The following MSH4 variants were observed in gnomAD, a reference collection of about 807,000 sequenced individuals.
MSH4 encodes the protein mutS homolog 4, also known as mutS protein homolog 4.
In MSH4, 106 loss-of-function variants were observed where a neutral mutation model predicts 113.7. The observed-to-expected ratio is 0.93, with a 90% CI of 0.80 to 1.10. The LOEUF is 1.10. Among genes scored for constraint, MSH4 ranks in the 50% least tolerant of loss-of-function variants. MSH4 has a pLI of 0.00. For synonymous variants in MSH4, 368 were observed against 380.2 expected, an observed-to-expected ratio of 0.97 and a Z score of 0.37; for missense variants, 1,061 against 1,093.7, an observed-to-expected ratio of 0.97 and a Z score of 0.42.
In MSH4 at chr1:75,816,582, G is replaced by T. The variant is rs201054535; in HGVS notation, c.989+36G>T. 152 of 1,198,846 alleles carry T rather than the reference G, an allele frequency of 1.3e-4. 2 individuals are homozygous for T. In the East Asian group the frequency reaches 3.8e-3, roughly 30 times the overall value. 74.3% of individuals were successfully genotyped at this position (1,198,846 alleles called of 1,614,324 possible). A position where few individuals can be genotyped will look rare whatever the true frequency, so the allele number is the denominator to read the frequency against. On this transcript the variant is annotated intron_variant, in intron 6 of 19. Transcript: ENST00000263187. The stretch of plus-strand genomic sequence containing the variant: ...CCATTTTATTTGTATAAAATATATC[G>T]GTATATATATATTTTTCTATTAATG...
chr1:75,865,651 C>G (rs1009043267), intron 8 of MSH4, among the ~76,000 whole-genome samples: 27 of 152,178 alleles, frequency 1.8e-4, no homozygotes, highest in Non-Finnish European at 4.4e-5. Flanking sequence ...ATGATTTTCA[C>G]ATGCCTGCAA....
chr1:75,901,763 A>T (rs1652510039), intron 19 of MSH4, among the ~76,000 whole-genome samples: 1 of 152,156 alleles, frequency 6.6e-6, no homozygotes, highest in East Asian at 1.9e-4. Context: ...ATACTAATTT[A>T]CATTCCCATC....
intron 18 of MSH4, among the ~76,000 whole-genome samples, chr1:75,898,697 C>T (rs1570997634): frequency 6.6e-6 from 1 of 151,850 alleles, no homozygotes; most frequent in Non-Finnish European, 1.5e-5. Flanking sequence ...TATTCTTCAA[C>T]TTGATTAGAT....
chr1:75,840,186 T>C (rs1650922164), intron 7 of MSH4, among the ~76,000 whole-genome samples: 1 of 148,768 alleles, frequency 6.7e-6, no homozygotes, highest in African/African-American at 2.5e-5. Context: ...CCCAAAGGAC[T>C]ATAAATCATG....
intron 3 of MSH4, among the ~76,000 whole-genome samples, chr1:75,810,282 G>A (rs1029355470): frequency 2.6e-5 from 4 of 151,700 alleles, no homozygotes; most frequent in South Asian, 4.2e-4. Flanking sequence ...CTAGACTGGC[G>A]TGCAAAGGTG....
At chr1:75,801,568 C>CAAAA (rs35300428) in intron 1 of MSH4, among the ~76,000 whole-genome samples, 1 of 112,774 alleles carries the variant, frequency 8.9e-6, no homozygotes, top group Non-Finnish European at 1.8e-5. Flanking sequence ...AACTCCATCT[C>CAAAA]AAAAAAAAAA....
chr1:75,851,371 A>G (rs1446094841), intron 8 of MSH4, among the ~76,000 whole-genome samples: 1 of 151,802 alleles, frequency 6.6e-6, no homozygotes, highest in Non-Finnish European at 1.5e-5. Flanking sequence ...CTTAGGGTTT[A>G]TAGACTACAT....
At chr1:75,853,295 C>A (rs1651234435) in intron 8 of MSH4, among the ~76,000 whole-genome samples, 1 of 152,128 alleles carries the variant, frequency 6.6e-6, no homozygotes, top group Admixed American at 6.5e-5. Context: ...AAACTCCTGA[C>A]CTCAAGTGAT....
At chr1:75,843,069 CCTT>C (rs1291638562) in intron 7 of MSH4, among the ~76,000 whole-genome samples, 1 of 152,140 alleles carries the variant, frequency 6.6e-6, no homozygotes, top group Non-Finnish European at 1.5e-5. Flanking sequence ...CATAAGCTGT[CCTT>C]CTCTTTGTCT....
chr1:75,816,507 C>T lies in MSH4; in HGVS notation c.950C>T (p.Ala317Val). The T allele has an allele frequency of 6.3e-7, 1 of 1,595,580 alleles. No homozygotes were observed. Among genetic ancestry groups the T allele is most frequent in the Non-Finnish European group, 8.6e-7 (1 of 1,169,208 alleles). ...EQTAMIDSSSAQNLELLINNQ... is the reference protein window; with the variant it reads ...EQTAMIDSSSVQNLELLINNQ... Reference sequence around the variant, plus strand: ...ACAGCCATGATAGATTCATCATCAGCCCAAAACCTTGAATTGTTAATTAAT... The same window carrying T: ...ACAGCCATGATAGATTCATCATCAGTCCAAAACCTTGAATTGTTAATTAAT... The change falls in exon 6 of 20, where the codon GCC becomes GTC. Residue 317 changes from alanine to valine, a missense_variant. Ala to Val is a moderately conservative substitution (Grantham distance 64). Transcript: ENST00000263187.
At chr1:75,818,170 T>C (rs954160389) in intron 6 of MSH4, among the ~76,000 whole-genome samples, 4 of 152,226 alleles carry the variant, frequency 2.6e-5, no homozygotes, top group African/African-American at 9.6e-5. Context: ...TACTGTGATA[T>C]CCTTTTAATC....
At chr1:75,857,475 C>T (rs1416459982) in intron 8 of MSH4, among the ~76,000 whole-genome samples, 1 of 151,920 alleles carries the variant, frequency 6.6e-6, no homozygotes, top group Non-Finnish European at 1.5e-5. Context: ...TAAGGTGTAA[C>T]GAAGGGGTCT....
At chr1:75,799,108 G>C (rs1649880572) in intron 1 of MSH4, among the ~76,000 whole-genome samples, 1 of 152,126 alleles carries the variant, frequency 6.6e-6, no homozygotes. Context: ...TTCCTTTAAA[G>C]CAACATGAAT....
At chr1:75,861,886 G>A (rs1171620356) in intron 8 of MSH4, among the ~76,000 whole-genome samples, 1 of 152,126 alleles carries the variant, frequency 6.6e-6, no homozygotes, top group Non-Finnish European at 1.5e-5. Flanking sequence ...GTGGAATCTA[G>A]AGAGGCAGTA....
intron 6 of MSH4, among the ~76,000 whole-genome samples, chr1:75,818,153 G>C (rs1028795964): frequency 6.6e-6 from 1 of 152,084 alleles, no homozygotes; most frequent in Non-Finnish European, 1.5e-5. Context: ...CATATTAATA[G>C]TAGTCATACT....
In MSH4 at chr1:75,888,946, A is replaced by G. The variant is rs553812835; in HGVS notation, c.2108-305A>G. Reference sequence around the variant, plus strand: ...GTCTCATTCTGTCGCCCAGGCTGGAATGCAGTGGCGCGATCTCGGCTCACT... The same window carrying G: ...GTCTCATTCTGTCGCCCAGGCTGGAGTGCAGTGGCGCGATCTCGGCTCACT... On this transcript the variant is annotated intron_variant, in intron 15 of 19. Transcript: ENST00000263187. Among the ~76,000 whole-genome samples the G allele has an allele frequency of 2.3e-3, 342 of 149,724 alleles. 1 individual carries two copies. The highest frequency in any genetic ancestry group is 7.8e-3 in the African/African-American group (319 of 40,696).
At chr1:75,808,870 A>G (rs1650123824) in intron 3 of MSH4, among the ~76,000 whole-genome samples, 2 of 152,162 alleles carry the variant, frequency 1.3e-5, no homozygotes. Context: ...GGGAATTTGC[A>G]TGATCTATCA....
rs368342889 is a variant in MSH4 at position 75,880,196 on chromosome 1, T to C, written c.1781+43T>C. The C allele has an allele frequency of 1.0e-5, 11 of 1,080,736 alleles. No individual in the cohort carries two copies. In the African/African-American group the frequency reaches 1.6e-4, roughly 16 times the overall value. The allele number at this position is 1,080,736 out of a possible 1,614,324, so 66.9% of individuals were successfully genotyped here. A position where few individuals can be genotyped will look rare whatever the true frequency, so the allele number is the denominator to read the frequency against. On this transcript the variant is annotated intron_variant, in intron 13 of 19. Coordinates refer to ENST00000263187, the MANE Select transcript of MSH4 (RefSeq NM_002440.4). Reference sequence around the variant, plus strand: ...ATTTGAATATTGAATTAAATTGGTTTAATTTGAGAAACTGTTACAATTGTA... The same window carrying C: ...ATTTGAATATTGAATTAAATTGGTTCAATTTGAGAAACTGTTACAATTGTA...
At chr1:75,798,874 T>C (rs890735154) in intron 1 of MSH4, among the ~76,000 whole-genome samples, 9 of 152,106 alleles carry the variant, frequency 5.9e-5, no homozygotes, top group African/African-American at 2.2e-4. Context: ...CTCTTAAGTG[T>C]TCTTCCATCC....
Sources: allele counts gnomAD v4.1 joint callset (sites outside exome capture counted in the v4.1 genomes callset), GRCh38; gene constraint gnomAD v4.1.1; transcripts MANE v1.5; gene names NCBI Gene and HGNC (gene_info 2026-07-23, HGNC 2026-07-21).